ZNF827: variants seen among roughly 807,000 people sequenced by gnomAD.
The protein encoded by ZNF827 is zinc finger protein 827.
Under a neutral mutation model 102.4 loss-of-function variants are expected in ZNF827, and 13 were observed. The ratio of observed to expected loss-of-function variants is 0.13; its 90% confidence interval spans 0.08 to 0.20. ZNF827 has a LOEUF of 0.20. Among genes scored for constraint, ZNF827 ranks in the 10% least tolerant of loss-of-function variants. The pLI is 1.00. For synonymous variants in ZNF827, 523 were observed against 536.2 expected, an observed-to-expected ratio of 0.98 and a Z score of 0.34; for missense variants, 1,103 against 1,344.4, an observed-to-expected ratio of 0.82 and a Z score of 2.81.
intron 2 of ZNF827, 22 bp from the exon 3 acceptor site, chr4:145,892,437 G>T (rs374332133): frequency 6.3e-7 from 1 of 1,589,092 alleles, no homozygotes; most frequent in Non-Finnish European, 8.6e-7. Flanking sequence ...GAGAAAGAAA[G>T]GACCATTAAG....
intron 7 of ZNF827, among the ~76,000 whole-genome samples, chr4:145,842,011 G>A (rs913399928): frequency 2.0e-5 from 3 of 152,152 alleles, no homozygotes; most frequent in Admixed American, 1.3e-4. Flanking sequence ...CAGGGAGGGG[G>A]AAGTAGAGGA....
chr4:145,876,322 C>T (rs191882529), intron 4 of ZNF827, among the ~76,000 whole-genome samples: 82 of 152,316 alleles, frequency 5.4e-4, no homozygotes, highest in Admixed American at 2.4e-3. Flanking sequence ...GGCATCTCTA[C>T]GCACTAGTAG....
intron 2 of ZNF827, among the ~76,000 whole-genome samples, chr4:145,900,192 G>A (rs4835264): frequency 0.073 from 11,145 of 151,962 alleles, 1,142 homozygotes; most frequent in African/African-American, 0.23. Flanking sequence ...TGGTTATACC[G>A]GAGACTTCAA....
intron 1 of ZNF827, among the ~76,000 whole-genome samples, chr4:145,937,006 CGCCTTCTCCCCTGCCCCCT>C (rs1754230454): frequency 6.6e-6 from 1 of 152,080 alleles, no homozygotes; most frequent in African/African-American, 2.4e-5. Flanking sequence ...CCCCGCCCCA[CGCCTTCTCCCCTGCCCCCT>C]CTTCCCTGCA....
intron 3 of ZNF827, among the ~76,000 whole-genome samples, chr4:145,886,687 G>A (rs1412533030): frequency 6.7e-6 from 1 of 150,014 alleles, no homozygotes; most frequent in Non-Finnish European, 1.5e-5. Context: ...CAAAGACAGA[G>A]AAATTGAGGC....
At chr4:145,829,870 C>T (rs1309112905) in intron 7 of ZNF827, among the ~76,000 whole-genome samples, 3 of 149,234 alleles carry the variant, frequency 2.0e-5, no homozygotes, top group Non-Finnish European at 4.4e-5. Flanking sequence ...AACTGAAATG[C>T]CACAGATGTG....
intron 4 of ZNF827, among the ~76,000 whole-genome samples, chr4:145,878,018 T>A (rs1263635621): frequency 2.6e-5 from 4 of 152,234 alleles, no homozygotes; most frequent in African/African-American, 4.8e-5. Flanking sequence ...TCCAACCTTT[T>A]TCAGGAAAGT....
At chr4:145,881,683 C>A (rs1749679054) in intron 4 of ZNF827, among the ~76,000 whole-genome samples, 1 of 152,172 alleles carries the variant, frequency 6.6e-6, no homozygotes, top group Non-Finnish European at 1.5e-5. Flanking sequence ...ACTCCCCTGT[C>A]AGGAGGCCCC....
intron 7 of ZNF827, among the ~76,000 whole-genome samples, chr4:145,841,216 A>G (rs929760687): frequency 4.6e-5 from 7 of 152,230 alleles, no homozygotes; most frequent in Non-Finnish European, 8.8e-5. Flanking sequence ...CACAACATTG[A>G]GCATGTCCAA....
At chr4:145,775,278 GT>G (rs1736884356) in intron 10 of ZNF827, among the ~76,000 whole-genome samples, 1 of 152,128 alleles carries the variant, frequency 6.6e-6, no homozygotes, top group South Asian at 2.1e-4. Flanking sequence ...AAACTTGGGG[GT>G]TTTATGGCAA....
intron 7 of ZNF827, among the ~76,000 whole-genome samples, chr4:145,825,810 A>C (rs574571688): frequency 6.6e-6 from 1 of 152,270 alleles, no homozygotes; most frequent in African/African-American, 2.4e-5. Context: ...AAGGGAGACA[A>C]TCACCGAGGG....
At chr4:145,874,690 A>G (rs1749004205) in intron 4 of ZNF827, among the ~76,000 whole-genome samples, 1 of 152,230 alleles carries the variant, frequency 6.6e-6, no homozygotes, top group South Asian at 2.1e-4. Context: ...TCCTACTACT[A>G]ACACAGAAAG....
chr4:145,926,919 A>C (rs1480232920), intron 1 of ZNF827, among the ~76,000 whole-genome samples: 3 of 150,786 alleles, frequency 2.0e-5, no homozygotes. Flanking sequence ...CCCAAACCCT[A>C]CTTCTGGATT....
At chr4:145,860,925 G>A (rs1421360224) in intron 5 of ZNF827, among the ~76,000 whole-genome samples, 1 of 152,200 alleles carries the variant, frequency 6.6e-6, no homozygotes, top group Non-Finnish European at 1.5e-5. Context: ...ACACTCCCCT[G>A]CCCAATGGAA....
At chr4:145,903,443 T>C (rs1561063043) in intron 1 of ZNF827, among the ~76,000 whole-genome samples, 1 of 151,660 alleles carries the variant, frequency 6.6e-6, no homozygotes, top group Non-Finnish European at 1.5e-5. Flanking sequence ...TCCAGATAAG[T>C]TGAAAGGGAA....
chr4:145,807,391 G>T (rs1037193290), intron 8 of ZNF827, among the ~76,000 whole-genome samples: 1 of 151,792 alleles, frequency 6.6e-6, no homozygotes, highest in Non-Finnish European at 1.5e-5. Flanking sequence ...ACAAGGTGGT[G>T]GTAGGGGGAA....
chr4:145,844,228 A>G (rs1364548164), intron 7 of ZNF827, among the ~76,000 whole-genome samples: 2 of 151,878 alleles, frequency 1.3e-5, no homozygotes, highest in Non-Finnish European at 2.9e-5. Context: ...TTAATATACA[A>G]AATAGCCTTT....
chr4:145,799,083 T>C (rs1324728534), intron 8 of ZNF827, among the ~76,000 whole-genome samples: 3 of 152,220 alleles, frequency 2.0e-5, no homozygotes, highest in African/African-American at 7.2e-5. Flanking sequence ...CAATTCCAAT[T>C]TAGCATTATC....
Position 145,884,312 on chromosome 4 carries a change from C to T in ZNF827, c.1747+1366G>A, listed in dbSNP as rs1366366334. Among the ~76,000 whole-genome samples, 3 of 152,276 alleles carry T rather than the reference C, an allele frequency of 2.0e-5. No individual in the cohort carries two copies. The South Asian group carries it at 6.2e-4, about 32-fold the overall frequency. On this transcript the variant is annotated intron_variant, in intron 4 of 14. Coordinates refer to ENST00000508784, the MANE Select transcript of ZNF827 (RefSeq NM_001306215.2). The stretch of plus-strand genomic sequence containing the variant: ...TGGTAAGGGGGACATTCCAAAAGAC[C>T]CGACTGAAGTGTCCCTGAGCAAAGG...
Sources: allele counts gnomAD v4.1 joint callset (sites outside exome capture counted in the v4.1 genomes callset), GRCh38; gene constraint gnomAD v4.1.1; transcripts MANE v1.5; gene names NCBI Gene and HGNC (gene_info 2026-07-23, HGNC 2026-07-21).